NCOR2: variants seen among roughly 807,000 people sequenced by gnomAD.
NCOR2 encodes the protein CTG repeat protein 26.
A neutral mutation model predicts 262.9 loss-of-function variants in NCOR2; 81 were observed. The observed-to-expected ratio is 0.31, with a 90% CI of 0.26 to 0.37. The LOEUF (loss-of-function observed/expected upper bound fraction) is 0.37, where lower values mean the gene tolerates loss of function less well. Among genes scored for constraint, NCOR2 ranks in the 10% least tolerant of loss-of-function variants. NCOR2 has a pLI of 1.00. For missense variants in NCOR2, 3,385 were observed against 3,621.4 expected, an observed-to-expected ratio of 0.93 and a Z score of 1.68; for synonymous variants, 1,659 against 1,559.3, an observed-to-expected ratio of 1.06 and a Z score of -1.51.
intron 4 of NCOR2, among the ~76,000 whole-genome samples, chr12:124,471,876 T>C (rs2046848610): frequency 6.6e-6 from 1 of 152,250 alleles, no homozygotes; most frequent in Admixed American, 6.5e-5. Context: ...CCAAAGCTTT[T>C]CTTTAAAGGC....
intron 1 of NCOR2, among the ~76,000 whole-genome samples, chr12:124,520,136 C>T (rs1449308558): frequency 1.3e-5 from 2 of 152,294 alleles, no homozygotes; most frequent in Admixed American, 6.5e-5. Flanking sequence ...ACAGCTGGCC[C>T]TCTAGCCTTC....
chr12:124,451,684 G>C (rs1478342391), intron 6 of NCOR2, among the ~76,000 whole-genome samples: 5 of 152,206 alleles, frequency 3.3e-5, no homozygotes, highest in East Asian at 1.9e-4. Context: ...ATCAGGTACA[G>C]AGTGTGAGTG....
At chr12:124,355,595 T>C (rs2037883692) in intron 23 of NCOR2, 24 bp from the exon 26 acceptor site, 1 of 1,538,240 alleles carries the variant, frequency 6.5e-7, no homozygotes, top group Non-Finnish European at 8.7e-7. Flanking sequence ...GTCTGTCCAT[T>C]GTGGGGCCCA....
intron 31 of NCOR2, 47 bp downstream of exon 33, chr12:124,346,517 G>T: frequency 2.8e-6 from 4 of 1,424,944 alleles, no homozygotes; most frequent in Non-Finnish European, 3.7e-6. Flanking sequence ...CACAGCCACC[G>T]CCACCCCTCC....
intron 7 of NCOR2, among the ~76,000 whole-genome samples, chr12:124,445,039 T>C (rs2045052056): frequency 1.3e-5 from 2 of 152,042 alleles, no homozygotes; most frequent in African/African-American, 4.8e-5. Context: ...ACAGTTCCCA[T>C]CAGCCGACCC....
chr12:124,501,504 CCCTT>C (rs1273202819), intron 1 of NCOR2, among the ~76,000 whole-genome samples: 1 of 152,148 alleles, frequency 6.6e-6, no homozygotes, highest in Non-Finnish European at 1.5e-5. Context: ...CTGGGGGAGG[CCCTT>C]CCTACTTCCT....
intron 7 of NCOR2, among the ~76,000 whole-genome samples, chr12:124,448,880 C>G (rs933299412): frequency 4.6e-5 from 7 of 152,190 alleles, no homozygotes; most frequent in Admixed American, 2.6e-4. Flanking sequence ...AGCTAAACGC[C>G]TCCCTTTGCA....
chr12:124,333,194 G>A lies in NCOR2; in HGVS notation c.6691C>T (p.Pro2231Ser), dbSNP rs375757338. 5.6e-6 allele frequency: 9 copies of A among 1,613,080 alleles called. No individual in the cohort carries two copies. In the South Asian group the frequency reaches 9.9e-5, roughly 18 times the overall value. The change falls in exon 42 of 47, where the codon CCA becomes TCA. Residue 2231 changes from proline to serine, a missense_variant. By Grantham distance (74) the Pro-to-Ser change is moderately conservative (BLOSUM62 -1). Transcript: ENST00000405201. ...TACACAGCACTCCGGGAGTGCCCTGGCTCCGTCATGCCCTCCGGTGGGGAC... is the reference window on the plus strand; with the variant it reads ...TACACAGCACTCCGGGAGTGCCCTGACTCCGTCATGCCCTCCGGTGGGGAC...
At chr12:124,462,525 C>T (rs913159996) in intron 5 of NCOR2, among the ~76,000 whole-genome samples, 5 of 152,234 alleles carry the variant, frequency 3.3e-5, no homozygotes, top group Non-Finnish European at 7.3e-5. Flanking sequence ...GGTCAGAGGA[C>T]GCGTGCAGCA....
chr12:124,354,685 C>A, intron 25 of NCOR2, 103 bp from the exon 28 acceptor site: 1 of 1,317,428 alleles, frequency 7.6e-7, no homozygotes, highest in Non-Finnish European at 1.0e-6. Context: ...GCTGCCCCTC[C>A]CCACCATGTT....
intron 19 of NCOR2, among the ~76,000 whole-genome samples, 169 bp downstream of exon 21, chr12:124,374,244 G>GT (rs2039800523): frequency 6.6e-6 from 1 of 152,250 alleles, no homozygotes; most frequent in Admixed American, 6.5e-5. Context: ...CCAGCATGGG[G>GT]AACAGCCACT....
intron 21 of NCOR2, 95 bp from the exon 24 acceptor site, chr12:124,362,392 G>T: frequency 8.8e-7 from 1 of 1,141,960 alleles, no homozygotes; most frequent in Non-Finnish European, 1.2e-6. Context: ...GGAAACCAAG[G>T]CCCGGGAAAG....
At chr12:124,488,121 T>C (rs7135393) in intron 1 of NCOR2, among the ~76,000 whole-genome samples, 10,856 of 152,232 alleles carry the variant, frequency 0.071, 514 homozygotes, top group African/African-American at 0.12. Context: ...CACTCTTTTG[T>C]TGTCTGGCTT....
chr12:124,511,534 A>C (rs2049393555), intron 1 of NCOR2, among the ~76,000 whole-genome samples: 1 of 152,196 alleles, frequency 6.6e-6, no homozygotes. Context: ...GGCCTGGGGC[A>C]AAGCCGGGGT....
intron 1 of NCOR2, among the ~76,000 whole-genome samples, chr12:124,494,690 G>A (rs1387872392): frequency 2.0e-5 from 3 of 152,066 alleles, no homozygotes; most frequent in Admixed American, 1.3e-4. Context: ...TCAGAGCCTC[G>A]AGCCGCACCA....
At chr12:124,444,075 T>A (rs1239231118) in intron 7 of NCOR2, among the ~76,000 whole-genome samples, 1 of 152,136 alleles carries the variant, frequency 6.6e-6, no homozygotes, top group African/African-American at 2.4e-5. Flanking sequence ...GACTCCTGGT[T>A]TATGATGCCC....
intron 13 of NCOR2, among the ~76,000 whole-genome samples, chr12:124,411,808 AAC>A (rs1258673085): frequency 1.3e-5 from 2 of 152,212 alleles, no homozygotes; most frequent in African/African-American, 2.4e-5. Context: ...CTCGGGCCTC[AAC>A]CCAGCCTCCA....
At position 124,543,432 on chromosome 12, in the gene NCOR2, A is replaced by C. The variant is rs116963133; in HGVS notation, c.-164-7821T>G. Among the ~76,000 whole-genome samples the C allele has an allele frequency of 5.6e-3, 853 of 152,296 alleles. 4 individuals carry two copies. The highest frequency in any genetic ancestry group is 0.01 in the Admixed American group (159 of 15,310). On this transcript the variant is annotated intron_variant, in intron 1 of 32. Coordinates refer to the NCOR2 transcript ENST00000458234. Reference sequence around the variant, plus strand: ...TCCGGACCCTGTTTCAGGGGTGGGGAAACAGACCCACACGGGGTTACCTGC... The same window carrying C: ...TCCGGACCCTGTTTCAGGGGTGGGGCAACAGACCCACACGGGGTTACCTGC...
intron 17 of NCOR2, among the ~76,000 whole-genome samples, chr12:124,384,573 A>T (rs2136105638): frequency 6.6e-6 from 1 of 152,112 alleles, no homozygotes; most frequent in East Asian, 1.9e-4. Flanking sequence ...CTCACTAAGA[A>T]CCCACTCGGG....
Sources: allele counts gnomAD v4.1 joint callset (sites outside exome capture counted in the v4.1 genomes callset), GRCh38; gene constraint gnomAD v4.1.1; transcripts MANE v1.5; gene names NCBI Gene and HGNC (gene_info 2026-07-23, HGNC 2026-07-21).